Variants in SSRP1 observed in about 807,000 individuals in gnomAD.
SSRP1 encodes FACT complex subunit SSRP1.
A neutral mutation model predicts 84.4 loss-of-function variants in SSRP1; 21 were observed. The observed-to-expected ratio is 0.25, with a 90% confidence interval of 0.18 to 0.36. The LOEUF is 0.36. Ranked by LOEUF, SSRP1 falls within the 10% of genes least tolerant of loss-of-function variation. The probability of loss-of-function intolerance (pLI) is 1.00; values close to 1 mark genes in which losing one functional copy is unlikely to be tolerated. For missense variants in SSRP1, 519 were observed against 900.8 expected, an observed-to-expected ratio of 0.58 and a Z score of 5.43; for synonymous variants, 319 against 318.3, an observed-to-expected ratio of 1.00 and a Z score of -0.02.
intron 2 of SSRP1, 131 bp from the exon 3 acceptor site, chr11:57,334,779 G>A (rs1229859028): frequency 6.4e-6 from 7 of 1,092,804 alleles, no homozygotes; most frequent in South Asian, 3.0e-5. Context: ...ACAGCTGAGG[G>A]TGCCAAGGAG....
rs368461925 is a variant in SSRP1, at chr11:57,330,052, G to A, written c.1481+41C>T. On this transcript the variant is annotated intron_variant, in intron 12 of 16. Coordinates refer to ENST00000278412, the MANE Select transcript of SSRP1 (RefSeq NM_003146.3). This position sits in a 1 kb window ranked among gnomAD's most constrained non-coding sequence, Gnocchi z 4.0. ...AAATCTTCTGGTCCCTTAAGCTTAT[G>A]GGTCACCATCTTATCCCCACAAGGT... is the stretch of plus-strand genomic sequence containing the variant. The A allele has an allele frequency of 3.7e-6, 6 of 1,612,242 alleles. No homozygotes were observed. The highest frequency in any genetic ancestry group is 5.1e-6 in the Non-Finnish European group (6 of 1,178,412).
Position 57,330,663 on chromosome 11 carries a change from G to A in SSRP1, c.1296+192C>T, listed in dbSNP as rs140704523. The A allele has an allele frequency of 2.1e-6, 3 of 1,451,088 alleles. No individual in the cohort carries two copies. Among genetic ancestry groups the A allele is most frequent in the African/African-American group, 2.9e-5 (2 of 70,170 alleles). 89.9% of individuals were successfully genotyped at this position (1,451,088 alleles called of 1,614,324 possible). On this transcript the variant is annotated intron_variant, in intron 10 of 16. Coordinates refer to ENST00000278412, the MANE Select transcript of SSRP1 (RefSeq NM_003146.3). This position sits in a 1 kb window ranked among gnomAD's most constrained non-coding sequence, Gnocchi z 4.0. ...CCCAGCCCCACTGGGGGCTCCTGAG[G>A]GGCTGCATAGACTGGTCTAAGGTCA... is the stretch of plus-strand genomic sequence containing the variant.
In SSRP1 at chr11:57,327,793, T is replaced by C; in HGVS notation, c.1701A>G (p.Ser567=). Reference sequence around the variant, plus strand: ...CCGTGATGCTGATGCCAGGATGGTCTGACTTGATCTTCTCTCGGCTGGCAT... The same window carrying C: ...CCGTGATGCTGATGCCAGGATGGTCCGACTTGATCTTCTCTCGGCTGGCAT... ...WLNASREKIK[S]DHPGISITDL... is the part of the protein sequence containing the mutation. The change falls in exon 14 of 17, where the codon TCA becomes TCG. Residue 567 remains serine, a synonymous_variant. Coordinates refer to ENST00000278412, the MANE Select transcript of SSRP1 (RefSeq NM_003146.3). The C allele has an allele frequency of 6.2e-7, 1 of 1,614,220 alleles. No homozygotes were observed. Among genetic ancestry groups the C allele is most frequent in the Non-Finnish European group, 8.5e-7 (1 of 1,180,048 alleles).
Position 57,330,079 on chromosome 11 carries a change from C to T in SSRP1, c.1481+14G>A. ...GTCACCATCTTATCCCCACAAGGTACCACCAAAACTCACTCCTCTGCCACA... is the reference window on the plus strand; with the variant it reads ...GTCACCATCTTATCCCCACAAGGTATCACCAAAACTCACTCCTCTGCCACA... On this transcript the variant is annotated intron_variant, in intron 12 of 16. Coordinates refer to ENST00000278412, the MANE Select transcript of SSRP1 (RefSeq NM_003146.3). The surrounding 1 kb of genome is among the most constrained non-coding windows in gnomAD (Gnocchi z 4.0). The T allele has an allele frequency of 1.2e-6, 2 of 1,614,182 alleles. No individual in the cohort carries two copies. Among genetic ancestry groups the T allele is most frequent in the Non-Finnish European group, 1.7e-6 (2 of 1,180,014 alleles).
At position 57,330,779 on chromosome 11, in the gene SSRP1, G is replaced by A; in HGVS notation, c.1296+76C>T. 2.5e-6 allele frequency: 4 copies of A among 1,608,890 alleles called. No homozygotes were observed. Among genetic ancestry groups the A allele is most frequent in the Non-Finnish European group, 3.4e-6 (4 of 1,177,038 alleles). On this transcript the variant is annotated intron_variant, in intron 10 of 16. Transcript: ENST00000278412. This position sits in a 1 kb window ranked among gnomAD's most constrained non-coding sequence, Gnocchi z 4.0. ...GAAGAGAAGAAAGAGTGAAAAAGAA[G>A]CCGGAAAAAATCTCCACCCCTTTCT...
chr11:57,332,250 C>T lies in SSRP1; in HGVS notation c.903G>A (p.Arg301=). Residue 301 remains arginine, a synonymous_variant, in exon 8 of 17, where the codon CGG becomes CGA. Coordinates refer to ENST00000278412, the MANE Select transcript of SSRP1 (RefSeq NM_003146.3). The surrounding 1 kb of genome is among the most constrained non-coding windows in gnomAD (Gnocchi z 5.5). ...GGGATCCTGACATGTTCTTGGTGAG[C>T]CGACCCTCAAAGCGCTTCTCCACTT... ...EEEVEKRFEG[R]LTKNMSGSLY... is the part of the protein sequence containing the mutation. The T allele has an allele frequency of 6.2e-7, 1 of 1,614,026 alleles. No homozygotes were observed. Among genetic ancestry groups the T allele is most frequent in the Non-Finnish European group, 8.5e-7 (1 of 1,180,028 alleles).
At chr11:57,328,248 C>T (rs751238424) in intron 13 of SSRP1, 49 bp downstream of exon 13, 2 of 1,598,950 alleles carry the variant, frequency 1.3e-6, no homozygotes, top group Non-Finnish European at 1.7e-6. Context: ...GCCTCCCACG[C>T]CCCCCACCCA....
At position 57,332,908 on chromosome 11, in the gene SSRP1, C is replaced by A; in HGVS notation, c.537+51G>T. The A allele has an allele frequency of 6.3e-7, 1 of 1,597,196 alleles. No individual in the cohort carries two copies. The highest frequency in any genetic ancestry group is 8.6e-7 in the Non-Finnish European group (1 of 1,169,348). On this transcript the variant is annotated intron_variant, in intron 5 of 16. Transcript: ENST00000278412. This position sits in a 1 kb window ranked among gnomAD's most constrained non-coding sequence, Gnocchi z 5.5. The stretch of plus-strand genomic sequence containing the variant: ...CAGCAGGCCCTGCTCCCAGGCCAGC[C>A]AATGCCTGCTCAGCACCATCTGCTG...
rs747707831 is a variant in SSRP1 at position 57,330,958 on chromosome 11, G to A, written c.1224-31C>T. The A allele has an allele frequency of 2.2e-5, 35 of 1,611,902 alleles. No homozygotes were observed. The highest frequency in any genetic ancestry group is 2.8e-5 in the Non-Finnish European group (33 of 1,178,202). On this transcript the variant is annotated intron_variant, in intron 9 of 16. Coordinates refer to ENST00000278412, the MANE Select transcript of SSRP1 (RefSeq NM_003146.3). This position sits in a 1 kb window ranked among gnomAD's most constrained non-coding sequence, Gnocchi z 4.0. ...AGGGGACATGCACCATGTTACCAGA[G>A]AGGTAGTGCCAACACAGGGGCACAC...
At chr11:57,328,179 A>G in intron 13 of SSRP1, 118 bp downstream of exon 13, 2 of 1,473,200 alleles carry the variant, frequency 1.4e-6, no homozygotes, top group Non-Finnish European at 1.8e-6. Flanking sequence ...TGGCTATAAA[A>G]AACAGCCCCA....
In SSRP1 at chr11:57,327,360, C is replaced by T. The variant is rs1320394650; in HGVS notation, c.1871+66G>A. The T allele has an allele frequency of 6.1e-6, 9 of 1,486,484 alleles. No individual in the cohort carries two copies. In the Admixed American group the frequency reaches 1.0e-4, roughly 17 times the overall value. The allele number at this position is 1,486,484 out of a possible 1,614,324, so 92.1% of individuals were successfully genotyped here. A position where few individuals can be genotyped will look rare whatever the true frequency, so the allele number is the denominator to read the frequency against. ...TCTTTAACTTTCCAATGCTCAACTTCGGCCTGTTAAAAAAAAAAAAGTCTG... is the reference window on the plus strand; with the variant it reads ...TCTTTAACTTTCCAATGCTCAACTTTGGCCTGTTAAAAAAAAAAAAGTCTG... On this transcript the variant is annotated intron_variant, in intron 15 of 16. Transcript: ENST00000278412.
chr11:57,326,327 G>T lies in SSRP1; in HGVS notation c.*80C>A. The T allele has an allele frequency of 7.4e-7, 1 of 1,351,652 alleles. No individual in the cohort carries two copies. The highest frequency in any genetic ancestry group is 1.1e-6 in the Non-Finnish European group (1 of 947,534). The allele number at this position is 1,351,652 out of a possible 1,614,324, so 83.7% of individuals were successfully genotyped here. On this transcript the variant is annotated 3_prime_UTR_variant, in exon 17 of 17. Coordinates refer to ENST00000278412, the MANE Select transcript of SSRP1 (RefSeq NM_003146.3). ...ACAGAATCCAGGGACTGCATTTCAT[G>T]AGGAGAAACTGGTACCAAAATATGG...
Position 57,332,913 on chromosome 11 carries a change from C to A in SSRP1, c.537+46G>T, listed in dbSNP as rs1255368873. On this transcript the variant is annotated intron_variant, in intron 5 of 16. Coordinates refer to ENST00000278412, the MANE Select transcript of SSRP1 (RefSeq NM_003146.3). This position sits in a 1 kb window ranked among gnomAD's most constrained non-coding sequence, Gnocchi z 5.5. The stretch of plus-strand genomic sequence containing the variant: ...GGCCCTGCTCCCAGGCCAGCCAATG[C>A]CTGCTCAGCACCATCTGCTGCCAAG... 5.6e-6 allele frequency: 9 copies of A among 1,597,208 alleles called. No individual in the cohort carries two copies. Among genetic ancestry groups the A allele is most frequent in the African/African-American group, 1.3e-5 (1 of 74,862 alleles).
Position 57,335,211 on chromosome 11 carries a change from G to T in SSRP1, c.-90C>A, listed in dbSNP as rs894016415. The T allele has an allele frequency of 7.4e-7, 1 of 1,360,466 alleles. No individual in the cohort carries two copies. The highest frequency in any genetic ancestry group is 1.1e-6 in the Non-Finnish European group (1 of 952,162). The allele number at this position is 1,360,466 out of a possible 1,614,324, so 84.3% of individuals were successfully genotyped here. A position where few individuals can be genotyped will look rare whatever the true frequency, so the allele number is the denominator to read the frequency against. On this transcript the variant is annotated 5_prime_UTR_variant, in exon 2 of 17. Coordinates refer to ENST00000278412, the MANE Select transcript of SSRP1 (RefSeq NM_003146.3). The surrounding 1 kb of genome is among the most constrained non-coding windows in gnomAD (Gnocchi z 4.6). ...GGGAGCTGGGCCCCAACTCCTGAGT[G>T]GGTGTGCGGATGCTCAGCAGGTTGG...
intron 4 of SSRP1, 29 bp downstream of exon 4, chr11:57,333,406 C>T (rs1198966666): frequency 1.3e-6 from 2 of 1,584,908 alleles, no homozygotes; most frequent in Non-Finnish European, 1.7e-6. Flanking sequence ...TATCTTCCTC[C>T]CCAAACCTCA....
chr11:57,329,909 A>G (rs1024691294), intron 12 of SSRP1, 184 bp downstream of exon 12: 3 of 721,300 alleles, frequency 4.2e-6, no homozygotes, highest in African/African-American at 3.5e-5. Context: ...ACTTCAAAAT[A>G]TGTCTTGCAC....
intron 13 of SSRP1, 103 bp from the exon 14 acceptor site, chr11:57,327,985 A>G (rs1433881871): frequency 7.1e-7 from 1 of 1,407,462 alleles, no homozygotes; most frequent in Non-Finnish European, 9.7e-7. Flanking sequence ...GTGGAGGACT[A>G]AATAGCATCA....
chr11:57,333,215 C>T (rs1356588916), intron 4 of SSRP1, 66 bp from the exon 5 acceptor site: 3 of 1,518,160 alleles, frequency 2.0e-6, no homozygotes, highest in South Asian at 1.2e-5. Context: ...AATATTCCCA[C>T]CAAACTGAGT....
rs372446592 is a variant in SSRP1 at position 57,332,538 on chromosome 11, A to C, written c.769-52T>G. Reference sequence around the variant, plus strand: ...CTCTACAACAACTTGCAATTAACCAACGTAGAATTCTGCACACCAGTGAGA... The same window carrying C: ...CTCTACAACAACTTGCAATTAACCACCGTAGAATTCTGCACACCAGTGAGA... On this transcript the variant is annotated intron_variant, in intron 6 of 16. Coordinates refer to ENST00000278412, the MANE Select transcript of SSRP1 (RefSeq NM_003146.3). The surrounding 1 kb of genome is among the most constrained non-coding windows in gnomAD (Gnocchi z 5.5). The C allele has an allele frequency of 1.6e-5, 25 of 1,607,950 alleles. No homozygotes were observed. The African/African-American group carries it at 3.1e-4, about 20-fold the overall frequency.
Sources: gnomAD v4.1 joint callset for allele counts on GRCh38, gnomAD v4.1.1 for gene constraint, Gnocchi (gnomAD v3.1) non-coding constraint, MANE v1.5 for transcripts, NCBI Gene and HGNC (gene_info 2026-07-23, HGNC 2026-07-21) for gene names.